Variants in CADM2 observed in about 807,000 individuals in gnomAD.
CADM2 encodes cell adhesion molecule 2.
CADM2 carries 12 observed loss-of-function variants against 49.8 expected under a neutral mutation model. The observed-to-expected ratio is 0.24, with a 90% confidence interval of 0.15 to 0.39. The LOEUF is 0.39. CADM2 is among the 10% of genes least tolerant of loss of function. CADM2 has a pLI of 1.00. For synonymous variants in CADM2, 214 were observed against 175.4 expected, an observed-to-expected ratio of 1.22 and a Z score of -1.74; for missense variants, 378 against 492.3, an observed-to-expected ratio of 0.77 and a Z score of 2.20.
intron 2 of CADM2, among the ~76,000 whole-genome samples, chr3:85,769,788 T>C (rs538908074): frequency 1.5e-4 from 22 of 151,238 alleles, no homozygotes; most frequent in Non-Finnish European, 2.9e-4. Flanking sequence ...TTTTGCGTGA[T>C]TTTGACCTAT....
intron 1 of CADM2, among the ~76,000 whole-genome samples, chr3:85,106,827 A>C (rs752591605): frequency 9.9e-5 from 15 of 152,168 alleles, no homozygotes; most frequent in Non-Finnish European, 1.8e-4. Context: ...TACAGCATTC[A>C]ACAAGTTGCC....
chr3:85,604,037 T>C (rs901301196), intron 1 of CADM2, among the ~76,000 whole-genome samples: 1 of 151,968 alleles, frequency 6.6e-6, no homozygotes, highest in Non-Finnish European at 1.5e-5. Context: ...TTATTATACA[T>C]ACTCAGAACG....
At chr3:85,814,814 T>A (rs1199599812) in intron 3 of CADM2, among the ~76,000 whole-genome samples, 1 of 151,958 alleles carries the variant, frequency 6.6e-6, no homozygotes, top group Non-Finnish European at 1.5e-5. Context: ...TATAGTGTTC[T>A]ATAGAATATA....
At chr3:85,756,672 A>T (rs966044362) in intron 2 of CADM2, among the ~76,000 whole-genome samples, 3 of 152,158 alleles carry the variant, frequency 2.0e-5, no homozygotes, top group African/African-American at 7.2e-5. Context: ...CCTATTTATG[A>T]GGTTAATGTC....
At chr3:85,237,594 A>G (rs2042436387) in intron 1 of CADM2, among the ~76,000 whole-genome samples, 1 of 151,536 alleles carries the variant, frequency 6.6e-6, no homozygotes, top group South Asian at 2.1e-4. Flanking sequence ...ATAATACAAA[A>G]GCAAACACTG....
chr3:85,282,450 T>C (rs1036230764), intron 1 of CADM2, among the ~76,000 whole-genome samples: 2 of 148,838 alleles, frequency 1.3e-5, no homozygotes, highest in Middle Eastern at 6.9e-3. Context: ...TTTTTTTTTT[T>C]CAGTAGAGAC....
intron 1 of CADM2, among the ~76,000 whole-genome samples, chr3:85,121,998 C>CT (rs2038881202): frequency 6.6e-6 from 1 of 152,006 alleles, no homozygotes; most frequent in South Asian, 2.1e-4. Context: ...CGAGTCCAAT[C>CT]TTTTCACTTT....
intron 1 of CADM2, among the ~76,000 whole-genome samples, chr3:85,596,341 A>G (rs980548737): frequency 6.6e-6 from 1 of 152,030 alleles, no homozygotes; most frequent in Non-Finnish European, 1.5e-5. Flanking sequence ...ATAAATGAAA[A>G]AATGTTATAG....
Position 86,048,643 on chromosome 3 carries a change from A to G in CADM2, c.971-16962A>G, listed in dbSNP as rs1317253527. Among the ~76,000 whole-genome samples, 3 of 152,280 alleles carry G rather than the reference A, an allele frequency of 2.0e-5. No individual in the cohort carries two copies. In the East Asian group the frequency reaches 5.8e-4, roughly 29 times the overall value. On this transcript the variant is annotated intron_variant, in intron 8 of 9. Transcript: ENST00000383699. ...TTATTATGCTAAGCCAATATGATAT[A>G]TACTACAGCTATCCTGTGGTTATCT...
chr3:85,930,933 T>C (rs557371242), intron 6 of CADM2, among the ~76,000 whole-genome samples: 1 of 149,804 alleles, frequency 6.7e-6, no homozygotes, highest in African/African-American at 2.4e-5. Flanking sequence ...ACTTAATAAT[T>C]AAATGTTAAT....
intron 2 of CADM2, among the ~76,000 whole-genome samples, chr3:85,768,560 T>A (rs919868995): frequency 6.0e-5 from 9 of 149,192 alleles, no homozygotes; most frequent in Middle Eastern, 3.6e-3. Context: ...AATTGATAAG[T>A]CTACACAATA....
intron 6 of CADM2, among the ~76,000 whole-genome samples, chr3:85,916,489 A>G (rs949000780): frequency 1.3e-5 from 2 of 151,868 alleles, no homozygotes; most frequent in Non-Finnish European, 2.9e-5. Flanking sequence ...TGTCCCTACA[A>G]AGGACATGAA....
At chr3:85,898,649 T>C (rs1048889209) in intron 5 of CADM2, among the ~76,000 whole-genome samples, 6 of 151,718 alleles carry the variant, frequency 4.0e-5, no homozygotes, top group African/African-American at 2.4e-5. Flanking sequence ...TTCTTCTCTG[T>C]TTTCTTGCTG....
At chr3:85,182,535 G>A (rs1012823604) in intron 1 of CADM2, among the ~76,000 whole-genome samples, 3 of 151,974 alleles carry the variant, frequency 2.0e-5, no homozygotes, top group Admixed American at 1.3e-4. Flanking sequence ...TTGATGACAA[G>A]GAATCACAGA....
chr3:85,209,665 T>C (rs2041730988), intron 1 of CADM2, among the ~76,000 whole-genome samples: 1 of 148,788 alleles, frequency 6.7e-6, no homozygotes, highest in African/African-American at 2.5e-5. Context: ...TCAGGCATCT[T>C]AAAAAAAAAA....
Position 85,341,442 on chromosome 3 carries a change from C to T in CADM2, c.61+381774C>T, listed in dbSNP as rs148321866. Reference sequence around the variant, plus strand: ...TTAGGGTAACATCTGTTTTGCTTACCTATGTCACTCAAGCTTCTGGCAAAG... The same window carrying T: ...TTAGGGTAACATCTGTTTTGCTTACTTATGTCACTCAAGCTTCTGGCAAAG... On this transcript the variant is annotated intron_variant, in intron 1 of 9. Transcript: ENST00000383699. Among the ~76,000 whole-genome samples, 403 of 151,880 alleles carry T rather than the reference C, an allele frequency of 2.7e-3. 2 individuals carry two copies. The highest frequency in any genetic ancestry group is 9.3e-3 in the African/African-American group (385 of 41,496).
chr3:85,797,617 C>T (rs965995892), intron 2 of CADM2, among the ~76,000 whole-genome samples: 15 of 152,142 alleles, frequency 9.9e-5, no homozygotes, highest in Non-Finnish European at 2.1e-4. Flanking sequence ...GCATAGTATT[C>T]CATGGTGTAT....
At chr3:85,121,593 A>G (rs2038865754) in intron 1 of CADM2, among the ~76,000 whole-genome samples, 1 of 152,220 alleles carries the variant, frequency 6.6e-6, no homozygotes, top group Admixed American at 6.5e-5. Context: ...GACCTAAGCT[A>G]TGCAAAGGAC....
chr3:85,737,837 C>T lies in CADM2; in HGVS notation c.88+11289C>T, dbSNP rs1373315152. The stretch of plus-strand genomic sequence containing the variant: ...CCTCCCAAACTGCTGGGGTTACAGG[C>T]GTGAGCCACTGTGCCAGGCCTAATT... On this transcript the variant is annotated intron_variant, in intron 2 of 9. Transcript: ENST00000383699. Among the ~76,000 whole-genome samples, 5 of 152,134 alleles carry T rather than the reference C, an allele frequency of 3.3e-5. No individual in the cohort carries two copies. The South Asian group carries it at 8.3e-4, about 25-fold the overall frequency.
Sources: gnomAD v4.1 joint callset for allele counts (sites outside exome capture counted in the v4.1 genomes callset) on GRCh38, gnomAD v4.1.1 for gene constraint, MANE v1.5 for transcripts, NCBI Gene and HGNC (gene_info 2026-07-23, HGNC 2026-07-21) for gene names.